Variants in TBX15 observed in about 807,000 individuals in gnomAD.
TBX15 encodes T-box transcription factor 15.
TBX15 carries 18 observed loss-of-function variants against 53.9 expected under a neutral mutation model. The observed-to-expected ratio is 0.33, with a 90% CI of 0.23 to 0.49. TBX15 has a LOEUF of 0.49. TBX15 is among the 20% of genes least tolerant of loss of function. The pLI is 0.98. For missense variants in TBX15, 692 were observed against 749.5 expected, an observed-to-expected ratio of 0.92 and a Z score of 0.90; for synonymous variants, 295 against 278.0, an observed-to-expected ratio of 1.06 and a Z score of -0.61.
intron 1 of TBX15, among the ~76,000 whole-genome samples, chr1:118,967,710 C>T (rs1345514618): frequency 1.3e-5 from 2 of 152,170 alleles, no homozygotes; most frequent in Non-Finnish European, 2.9e-5. Flanking sequence ...TAAATATCAT[C>T]CTAAGAGTTG....
chr1:118,904,896 C>A (rs993959706), intron 6 of TBX15, among the ~76,000 whole-genome samples: 25 of 152,282 alleles, frequency 1.6e-4, no homozygotes, highest in African/African-American at 4.1e-4. Context: ...TTAGTACAAC[C>A]TTTGCCAAGT....
chr1:118,884,900 A>G lies in TBX15; in HGVS notation c.1641T>C (p.Pro547=), dbSNP rs765318008. Residue 547 remains proline (P), a synonymous_variant, in exon 8 of 8, where the codon CCT becomes CCC. Coordinates refer to ENST00000369429, the MANE Select transcript of TBX15 (RefSeq NM_001330677.2). The stretch of plus-strand genomic sequence containing the variant: ...GCCTCTCTCCAAAGGCCCCGTTGGA[A>G]GGAGAAGAACAGAGTAAAGTGCTTT... ...ASQSTLLCSS[P]SNGAFGERQY... The G allele has an allele frequency of 6.2e-6, 10 of 1,614,192 alleles. No individual in the cohort carries two copies. The highest frequency in any genetic ancestry group is 1.3e-5 in the African/African-American group (1 of 75,070).
chr1:118,923,660 C>A, intron 4 of TBX15, 57 bp from the exon 5 acceptor site: 2 of 1,601,294 alleles, frequency 1.2e-6, no homozygotes, highest in South Asian at 1.1e-5. Context: ...ACATTTTGTT[C>A]TCATGCAAAA....
intron 1 of TBX15, among the ~76,000 whole-genome samples, chr1:118,985,046 A>T (rs1357437677): frequency 1.3e-5 from 2 of 152,206 alleles, no homozygotes; most frequent in Non-Finnish European, 2.9e-5. Context: ...GAGCGGACTA[A>T]AAAACGGTGC....
At chr1:118,943,492 C>G (rs1656250220) in intron 1 of TBX15, among the ~76,000 whole-genome samples, 1 of 151,972 alleles carries the variant, frequency 6.6e-6, no homozygotes, top group Non-Finnish European at 1.5e-5. Flanking sequence ...ATGGCTGGCA[C>G]AATATCTGAG....
At chr1:118,908,974 ATCAGG>A (rs1654936201) in intron 6 of TBX15, among the ~76,000 whole-genome samples, 2 of 152,006 alleles carry the variant, frequency 1.3e-5, no homozygotes, top group Admixed American at 1.3e-4. Context: ...AAGACTTCTC[ATCAGG>A]GGCTTAATTA....
intron 1 of TBX15, among the ~76,000 whole-genome samples, chr1:118,935,850 C>T (rs1655950156): frequency 6.6e-6 from 1 of 152,082 alleles, no homozygotes; most frequent in Admixed American, 6.6e-5. Context: ...ATTGTCTTCC[C>T]ATTGATAAGA....
rs573691499 is a variant in TBX15 at position 118,907,708 on chromosome 1, T to C, written c.926+6407A>G. Among the ~76,000 whole-genome samples, 3 of 152,308 alleles carry C rather than the reference T, an allele frequency of 2.0e-5. No individual in the cohort carries two copies. The South Asian group carries it at 6.2e-4, about 32-fold the overall frequency. ...CCAGTGCAAAGACTCTTGCTCCTCT[T>C]TAGCTTCAGGATCTTTGTCTTCTCC... On this transcript the variant is annotated intron_variant, in intron 6 of 7. Transcript: ENST00000369429.
intron 2 of TBX15, among the ~76,000 whole-genome samples, chr1:118,930,273 G>T (rs549439897): frequency 2.6e-5 from 4 of 152,088 alleles, no homozygotes; most frequent in Non-Finnish European, 5.9e-5. Context: ...AGTAAGATGC[G>T]ATTTTTGTTC....
intron 1 of TBX15, among the ~76,000 whole-genome samples, chr1:118,933,402 A>G (rs558115076): frequency 6.6e-6 from 1 of 152,150 alleles, no homozygotes; most frequent in Admixed American, 6.5e-5. Flanking sequence ...GTTTACCCAT[A>G]ATCACTACAT....
In TBX15 at chr1:118,988,035, C is replaced by G. The variant is rs1657903157; in HGVS notation, c.-240G>C. The G allele has an allele frequency of 1.7e-6, 1 of 585,970 alleles. No individual in the cohort carries two copies. The highest frequency in any genetic ancestry group is 3.0e-6 in the Non-Finnish European group (1 of 335,874). 36.3% of individuals were successfully genotyped at this position (585,970 alleles called of 1,614,324 possible). A position where few individuals can be genotyped will look rare whatever the true frequency, so the allele number is the denominator to read the frequency against. On this transcript the variant is annotated 5_prime_UTR_variant, in exon 1 of 8. Transcript: ENST00000369429. ...TGCTAGGAACTAGCGCCCCGAGCGCCGCCCGCTCGCTGCATGAGCGCCCGA... is the reference window on the plus strand; with the variant it reads ...TGCTAGGAACTAGCGCCCCGAGCGCGGCCCGCTCGCTGCATGAGCGCCCGA...
chr1:118,899,980 G>T (rs530584535), intron 6 of TBX15, among the ~76,000 whole-genome samples: 1 of 152,136 alleles, frequency 6.6e-6, no homozygotes, highest in Non-Finnish European at 1.5e-5. Flanking sequence ...TGCAAGTGCT[G>T]ATATACATCA....
intron 1 of TBX15, among the ~76,000 whole-genome samples, chr1:118,953,166 T>G (rs1656574083): frequency 6.6e-6 from 1 of 152,202 alleles, no homozygotes; most frequent in East Asian, 1.9e-4. Flanking sequence ...CCACTGGTAT[T>G]TTTTCACACT....
At chr1:118,891,270 A>T (rs749522308) in intron 7 of TBX15, among the ~76,000 whole-genome samples, 2 of 152,154 alleles carry the variant, frequency 1.3e-5, no homozygotes, top group African/African-American at 4.8e-5. Flanking sequence ...CATTTTGCAC[A>T]TTGGTACTCT....
intron 6 of TBX15, among the ~76,000 whole-genome samples, chr1:118,909,595 T>C (rs1048939437): frequency 6.6e-6 from 1 of 152,222 alleles, no homozygotes; most frequent in African/African-American, 2.4e-5. Context: ...TTTCTTTTTC[T>C]TCTTTGAGAC....
intron 1 of TBX15, among the ~76,000 whole-genome samples, chr1:118,976,108 C>T (rs1657423325): frequency 6.6e-6 from 1 of 152,134 alleles, no homozygotes; most frequent in Non-Finnish European, 1.5e-5. Flanking sequence ...CAAATCCAGG[C>T]TTCTGTTTTA....
At chr1:118,923,248 A>C (rs1229116017) in intron 5 of TBX15, among the ~76,000 whole-genome samples, 188 bp downstream of exon 5, 1 of 152,176 alleles carries the variant, frequency 6.6e-6, no homozygotes, top group Non-Finnish European at 1.5e-5. Context: ...TGGCATTCAC[A>C]AGGAAAATCT....
chr1:118,974,183 TG>T (rs1657343574), intron 1 of TBX15, among the ~76,000 whole-genome samples: 1 of 152,226 alleles, frequency 6.6e-6, no homozygotes, highest in African/African-American at 2.4e-5. Context: ...TGGCTCTCTA[TG>T]GGTTCCTTAG....
chr1:118,980,864 G>A (rs1191841223), intron 1 of TBX15, among the ~76,000 whole-genome samples: 3 of 151,040 alleles, frequency 2.0e-5, no homozygotes, highest in Non-Finnish European at 4.4e-5. Context: ...ACGGAGTCTT[G>A]CTCTGTCACC....
Sources: allele counts gnomAD v4.1 joint callset (sites outside exome capture counted in the v4.1 genomes callset), GRCh38; gene constraint gnomAD v4.1.1; transcripts MANE v1.5; gene names NCBI Gene and HGNC (gene_info 2026-07-23, HGNC 2026-07-21).